Variants in CENPI observed in about 807,000 individuals in gnomAD.
CENPI encodes FSH primary response 1.
In CENPI, 4 loss-of-function variants were observed where a neutral mutation model predicts 60.4. The observed-to-expected ratio is 0.07, with a 90% CI of 0.03 to 0.15. The LOEUF (loss-of-function observed/expected upper bound fraction) is 0.15. CENPI is among the 10% of genes least tolerant of loss of function. The pLI, the probability that CENPI is intolerant of heterozygous loss-of-function variation, is 1.00. For synonymous variants in CENPI, 157 were observed against 189.4 expected (o/e 0.83, Z 1.40); for missense variants, 444 against 534.5 (o/e 0.83, Z 1.67).
At position 101,127,599 on chromosome X, in the gene CENPI, T is replaced by C; in HGVS notation, c.1008T>C (p.Ser336=). ...EMSLSDCLNR[S]GSFPLEQLQS... ...GTCTTTCTGATTGTCTGAATAGAAG[T>C]GGATCATTTCCACTAGAACAACTTC... Residue 336 remains serine (S), a synonymous_variant, in exon 11 of 22, where the codon AGT becomes AGC. Transcript: ENST00000682095. The C allele has an allele frequency of 8.3e-7, 1 of 1,198,391 alleles. No homozygotes were observed. Among genetic ancestry groups the C allele is most frequent in the East Asian group, 3.0e-5 (1 of 33,589 alleles).
At chrX:101,173,537 T>C in the CENPI span, among the ~76,000 whole-genome samples, 21 of 109,623 alleles carry the variant, frequency 1.9e-4, no homozygotes, top group Non-Finnish European at 3.0e-4. Context: ...ATTAGGAAGC[T>C]TTCTTATGTG....
intron 20 of CENPI, among the ~76,000 whole-genome samples, chrX:101,153,956 A>AC (rs2090030638): frequency 9.0e-6 from 1 of 111,727 alleles, no homozygotes; most frequent in South Asian, 3.7e-4. Flanking sequence ...TTAAGTATAC[A>AC]ACTTCATTTT....
At chrX:101,118,911 T>G (rs1232369240) in intron 6 of CENPI, among the ~76,000 whole-genome samples, 1 of 111,970 alleles carries the variant, frequency 8.9e-6, no homozygotes, top group Non-Finnish European at 1.9e-5. Context: ...CCAGGTGTGG[T>G]GGCGCACACC....
chrX:101,176,125 T>C, the CENPI span, among the ~76,000 whole-genome samples: 1 of 112,248 alleles, frequency 8.9e-6, no homozygotes, highest in African/African-American at 3.2e-5. Flanking sequence ...AGGATTTTAT[T>C]CTTTTATAGA....
the CENPI span, among the ~76,000 whole-genome samples, chrX:101,175,770 C>T: frequency 2.7e-5 from 3 of 111,579 alleles, no homozygotes; most frequent in Non-Finnish European, 3.8e-5. Context: ...TCTAACACCT[C>T]GAGTATTTAT....
chrX:101,153,812 G>A (rs1396419357), intron 20 of CENPI, among the ~76,000 whole-genome samples: 1 of 110,858 alleles, frequency 9.0e-6, no homozygotes, highest in Non-Finnish European at 1.9e-5. Flanking sequence ...TGCTTTTGTT[G>A]TCAGAGCTTA....
At chrX:101,115,239 C>T (rs1156595744) in intron 6 of CENPI, among the ~76,000 whole-genome samples, 1 of 108,704 alleles carries the variant, frequency 9.2e-6, no homozygotes, top group African/African-American at 3.3e-5. Context: ...GTTAGTATTA[C>T]AGGCTTGAGC....
At chrX:101,122,092 G>A (rs1028996525) in intron 8 of CENPI, among the ~76,000 whole-genome samples, 4 of 111,376 alleles carry the variant, frequency 3.6e-5, no homozygotes, top group East Asian at 2.8e-4. Flanking sequence ...GGTGTGAGCC[G>A]CTGAGTCTGG....
At chrX:101,161,464 C>T in intron 20 of CENPI, 64 bp from the exon 21 acceptor site, 3 of 1,007,492 alleles carry the variant, frequency 3.0e-6, no homozygotes, top group Non-Finnish European at 4.2e-6. Context: ...GTATTTCTAT[C>T]ACCATATCTC....
At position 101,148,166 on chromosome X, in the gene CENPI, G is replaced by A; in HGVS notation, c.2094+5G>A. ...GCTGTTTCCTTTTTGCTACAGGTAA[G>A]GGTATTTAAAGAATTTTTAGATTTT... On this transcript the variant is annotated splice_donor_5th_base_variant and intron_variant, in intron 20 of 21. Coordinates refer to ENST00000682095, the MANE Select transcript of CENPI (RefSeq NM_001386188.2). 8.4e-7 allele frequency: 1 copy of A among 1,184,405 alleles called. No individual in the cohort carries two copies. Among genetic ancestry groups the A allele is most frequent in the Non-Finnish European group, 1.1e-6 (1 of 875,324 alleles).
intron 4 of CENPI, among the ~76,000 whole-genome samples, chrX:101,103,319 T>C (rs1271079963): frequency 9.1e-6 from 1 of 109,657 alleles, no homozygotes; most frequent in Admixed American, 9.8e-5. Context: ...ATCACTTTGC[T>C]GTTAGTTTTT....
chrX:101,150,445 A>T (rs898034453), intron 20 of CENPI, among the ~76,000 whole-genome samples: 2 of 109,354 alleles, frequency 1.8e-5, no homozygotes, highest in Non-Finnish European at 1.9e-5. Flanking sequence ...ATCTCGGCTC[A>T]CTACAGCCTT....
intron 20 of CENPI, among the ~76,000 whole-genome samples, chrX:101,151,220 G>T (rs958657681): frequency 5.4e-5 from 6 of 111,281 alleles, no homozygotes; most frequent in Admixed American, 3.9e-4. Context: ...TATCTTGAAG[G>T]TATAGCCCAT....
chrX:101,165,473 A>G lies in CENPI; in HGVS notation c.*2506A>G, dbSNP rs2090140622. Among the ~76,000 whole-genome samples the G allele has an allele frequency of 8.9e-6, 1 of 111,942 alleles. No individual in the cohort carries two copies. Among genetic ancestry groups the G allele is most frequent in the African/African-American group, 3.2e-5 (1 of 30,851 alleles). ...GGATGACTCAGATTTTTGACCTGTC[A>G]ATTGGGTGAACTCTGAGATTAAATT... On this transcript the variant is annotated 3_prime_UTR_variant, in exon 22 of 22. Coordinates refer to ENST00000682095, the MANE Select transcript of CENPI (RefSeq NM_001386188.2).
intron 4 of CENPI, among the ~76,000 whole-genome samples, chrX:101,107,159 T>C (rs1250868554): frequency 9.1e-6 from 1 of 109,689 alleles, no homozygotes; most frequent in Non-Finnish European, 1.9e-5. Flanking sequence ...TTTTTAATTT[T>C]ATATTTATGT....
At chrX:101,162,454 TC>T (rs1231283706) in intron 21 of CENPI, among the ~76,000 whole-genome samples, 1,671 of 47,499 alleles carry the variant, frequency 0.035, 18 homozygotes, top group Middle Eastern at 0.15. Context: ...AAACCGTATC[TC>T]AAAAAAAAAA....
chrX:101,141,797 G>T (rs756439400), intron 16 of CENPI, among the ~76,000 whole-genome samples: 1 of 110,953 alleles, frequency 9.0e-6, no homozygotes, highest in Non-Finnish European at 1.9e-5. Flanking sequence ...CAGTGACGCA[G>T]TCTTTGCTCA....
At chrX:101,154,654 T>TG (rs770462365) in intron 20 of CENPI, among the ~76,000 whole-genome samples, 72 of 111,833 alleles carry the variant, frequency 6.4e-4, no homozygotes, top group African/African-American at 2.3e-3. Context: ...TGTAGAAATT[T>TG]GGGTAGTATT....
intron 4 of CENPI, 85 bp downstream of exon 4, chrX:101,102,496 TAC>T (rs35162075): frequency 2.1e-3 from 512 of 248,987 alleles, no homozygotes; most frequent in East Asian, 6.3e-3. Context: ...TATATATATA[TAC>T]ACACACACAC....
Sources: gnomAD v4.1 joint callset for allele counts (sites outside exome capture counted in the v4.1 genomes callset) on GRCh38, gnomAD v4.1.1 for gene constraint, MANE v1.5 for transcripts, NCBI Gene and HGNC (gene_info 2026-07-23, HGNC 2026-07-21) for gene names.